The following DMD variants were observed in gnomAD, a reference collection of about 807,000 sequenced individuals.
DMD encodes the protein dystrophin, also known as mutant dystrophin.
A neutral mutation model predicts 330.1 loss-of-function variants in DMD; 63 were observed. That is an observed-to-expected ratio of 0.19 (90% CI 0.16 to 0.24). DMD has a LOEUF of 0.24. DMD is among the 10% of genes least tolerant of loss of function. The pLI, the probability that DMD is intolerant of heterozygous loss-of-function variation, is 1.00. For synonymous variants in DMD, 1,223 were observed against 959.8 expected (o/e 1.27, Z -5.07); for missense variants, 3,344 against 2,684.1 (o/e 1.25, Z -5.43).
intron 22 of DMD, among the ~76,000 whole-genome samples, chrX:32,469,791 T>C (rs1490400444): frequency 5.4e-5 from 6 of 111,185 alleles, no homozygotes; most frequent in African/African-American, 1.6e-4. Context: ...CACATTCATT[T>C]CTAGTTTTCC....
rs528375192 is a variant in DMD, at chrX:31,999,028, A to T, written c.6439-30514T>A. On this transcript the variant is annotated intron_variant, in intron 44 of 78. Transcript: ENST00000357033. ...AACTAGCGGATACTTTTTGCCTAAA[A>T]GCAGATTTGACTCTGATGATTATCA... Among the ~76,000 whole-genome samples, 3 of 111,452 alleles carry T rather than the reference A, an allele frequency of 2.7e-5. No individual in the cohort carries two copies. The East Asian group carries it at 8.5e-4, about 32-fold the overall frequency.
intron 1 of DMD, among the ~76,000 whole-genome samples, chrX:33,204,521 C>T (rs2051455940): frequency 9.0e-6 from 1 of 111,267 alleles, no homozygotes; most frequent in African/African-American, 3.3e-5. Context: ...ACTGGTCTAA[C>T]TCTCCCTATT....
chrX:32,865,423 G>A (rs1233817136), intron 2 of DMD, among the ~76,000 whole-genome samples: 1 of 111,364 alleles, frequency 9.0e-6, no homozygotes, highest in African/African-American at 3.3e-5. Context: ...AGGTTGAACA[G>A]GTTATCAACA....
intron 2 of DMD, among the ~76,000 whole-genome samples, chrX:32,901,005 A>C (rs1407275954): frequency 2.7e-5 from 3 of 111,408 alleles, no homozygotes; most frequent in Admixed American, 9.6e-5. Flanking sequence ...CTCTTCCAAT[A>C]ACTCCAAAAG....
At chrX:32,668,672 T>C (rs1460057913) in intron 9 of DMD, among the ~76,000 whole-genome samples, 1 of 111,470 alleles carries the variant, frequency 9.0e-6, no homozygotes, top group African/African-American at 3.3e-5. Context: ...TAAAATCAAA[T>C]CATGTTAAAC....
chrX:32,591,154 T>C (rs913288181), intron 13 of DMD, among the ~76,000 whole-genome samples: 1 of 111,967 alleles, frequency 8.9e-6, no homozygotes, highest in Non-Finnish European at 1.9e-5. Context: ...CCACTGTACC[T>C]AGCCTCATTC....
intron 30 of DMD, among the ~76,000 whole-genome samples, chrX:32,402,286 T>C (rs2098090132): frequency 9.0e-6 from 1 of 111,725 alleles, no homozygotes; most frequent in Admixed American, 9.6e-5. Context: ...TTTTTAAATA[T>C]ATAATAGTAA....
chrX:32,181,361 T>C (rs1335322994), intron 44 of DMD, among the ~76,000 whole-genome samples: 1 of 112,077 alleles, frequency 8.9e-6, no homozygotes, highest in Non-Finnish European at 1.9e-5. Context: ...TTTTTGAAAC[T>C]GTAGCAGAGC....
intron 1 of DMD, among the ~76,000 whole-genome samples, chrX:33,299,326 T>C (rs759017978): frequency 2.0e-4 from 22 of 111,853 alleles, no homozygotes; most frequent in Admixed American, 5.7e-4. Context: ...TGAATGGCAG[T>C]AAGTTTCCTC....
Position 31,119,472 on chromosome X carries a change from A to ATGAT in DMD, c.*2443_*2446dup, listed in dbSNP as rs1350520731. The ATGAT allele has an allele frequency of 8.9e-6, 1 of 112,640 alleles. No homozygotes were observed. Among genetic ancestry groups the ATGAT allele is most frequent in the Non-Finnish European group, 1.9e-5 (1 of 53,218 alleles). The allele number at this position is 112,640 out of a possible 1,213,427, so 9.3% of individuals were successfully genotyped here. On this transcript the variant is annotated 3_prime_UTR_variant, in exon 79 of 79. Transcript: ENST00000357033. ...GTGATGTTTATGCTTCAGTTACATT[A>ATGAT]TGATTTACAGTTTAATACTTGGTGG...
intron 44 of DMD, among the ~76,000 whole-genome samples, chrX:32,006,355 T>C (rs1384158851): frequency 8.9e-6 from 1 of 111,804 alleles, no homozygotes; most frequent in Non-Finnish European, 1.9e-5. Context: ...ATAAAATAAA[T>C]GTTGGGAAAT....
chrX:32,539,518 TA>T (rs3073877), intron 17 of DMD, among the ~76,000 whole-genome samples: 48,074 of 105,556 alleles, frequency 0.46, 8,364 homozygotes, highest in Admixed American at 0.57. Context: ...TATAGAACAT[TA>T]AAAAAAAAAA....
At chrX:33,144,897 C>A (rs748870161) in intron 1 of DMD, among the ~76,000 whole-genome samples, 1 of 112,045 alleles carries the variant, frequency 8.9e-6, no homozygotes, top group South Asian at 3.7e-4. Context: ...GTTCCAACTA[C>A]CATTGTTAAT....
chrX:31,748,248 T>C (rs1049753216), intron 51 of DMD, among the ~76,000 whole-genome samples: 3 of 112,162 alleles, frequency 2.7e-5, no homozygotes, highest in Non-Finnish European at 3.8e-5. Flanking sequence ...AATTCCATGC[T>C]TTTGGTTCAC....
chrX:32,472,838 C>A (rs1283758745), intron 21 of DMD, among the ~76,000 whole-genome samples: 1 of 111,015 alleles, frequency 9.0e-6, no homozygotes, highest in East Asian at 2.8e-4. Flanking sequence ...ATCAAGAACT[C>A]TAGTAATAAC....
At chrX:32,886,801 C>A (rs2084636511) in intron 2 of DMD, among the ~76,000 whole-genome samples, 1 of 112,006 alleles carries the variant, frequency 8.9e-6, no homozygotes, top group African/African-American at 3.2e-5. Flanking sequence ...AAATGCCTAA[C>A]TTTAGAATAA....
intron 50 of DMD, among the ~76,000 whole-genome samples, chrX:31,793,710 C>A (rs1312823859): frequency 1.8e-5 from 2 of 111,726 alleles, no homozygotes; most frequent in Non-Finnish European, 3.8e-5. Context: ...TGTATGAGTA[C>A]TTGAAGTATG....
intron 1 of DMD, among the ~76,000 whole-genome samples, chrX:33,245,285 TAA>T (rs72440225): frequency 1.2e-3 from 116 of 99,102 alleles, no homozygotes; most frequent in Non-Finnish European, 8.9e-4. Flanking sequence ...CTCTGAAAAG[TAA>T]AAAAAAAAAA....
intron 60 of DMD, among the ~76,000 whole-genome samples, chrX:31,354,384 C>A (rs751732360): frequency 3.3e-4 from 36 of 110,066 alleles, no homozygotes; most frequent in African/African-American, 1.2e-3. Flanking sequence ...TCCTTTCCTT[C>A]TTTTCTTCCT....
Sources: allele counts gnomAD v4.1 joint callset (sites outside exome capture counted in the v4.1 genomes callset), GRCh38; gene constraint gnomAD v4.1.1; transcripts MANE v1.5; gene names NCBI Gene and HGNC (gene_info 2026-07-23, HGNC 2026-07-21).